LOXL2: variants seen among roughly 807,000 people sequenced by gnomAD.
LOXL2 encodes lysyl oxidase homolog 2.
In LOXL2, 70 loss-of-function variants were observed where a neutral mutation model predicts 93.0. The ratio of observed to expected loss-of-function variants is 0.75; its 90% CI spans 0.62 to 0.92. LOXL2 has a LOEUF of 0.92. Among genes scored for constraint, LOXL2 ranks in the 40% least tolerant of loss-of-function variants. LOXL2 has a pLI of 0.00. For missense variants in LOXL2, 973 were observed against 1,054.9 expected (o/e 0.92, Z 1.08); for synonymous variants, 438 against 413.2 (o/e 1.06, Z -0.73).
At chr8:23,390,501 T>C (rs6557667) in intron 1 of LOXL2, among the ~76,000 whole-genome samples, 15,570 of 152,194 alleles carry the variant, frequency 0.1, 863 homozygotes, top group East Asian at 0.22. Context: ...AACTGCATTT[T>C]TTCCCCCAGC....
intron 12 of LOXL2, among the ~76,000 whole-genome samples, chr8:23,299,356 CGTT>C (rs1803089730): frequency 6.6e-6 from 1 of 152,114 alleles, no homozygotes. Flanking sequence ...GCTGCCTGGG[CGTT>C]GGAGATGGGA....
At chr8:23,331,479 A>C (rs1052287249) in intron 5 of LOXL2, 1 of 152,212 alleles carries the variant, frequency 6.6e-6, no homozygotes, top group African/African-American at 2.4e-5. Context: ...TGCACTAAGT[A>C]CTGAGGTTTT....
chr8:23,350,414 A>G (rs1804073364), intron 3 of LOXL2, among the ~76,000 whole-genome samples: 1 of 152,110 alleles, frequency 6.6e-6, no homozygotes, highest in African/African-American at 2.4e-5. Context: ...TACTAAAAAT[A>G]CAAAAATTAG....
chr8:23,345,839 C>G (rs552799333), intron 3 of LOXL2, among the ~76,000 whole-genome samples: 24 of 152,188 alleles, frequency 1.6e-4, no homozygotes, highest in Non-Finnish European at 3.1e-4. Context: ...GAGGCCGAGG[C>G]AGGCGGATCA....
chr8:23,341,749 GC>G (rs1206811953), intron 3 of LOXL2, among the ~76,000 whole-genome samples: 2 of 152,196 alleles, frequency 1.3e-5, no homozygotes, highest in Non-Finnish European at 2.9e-5. Context: ...CCAGGGGTGG[GC>G]ATTCCTCTCT....
intron 1 of LOXL2, among the ~76,000 whole-genome samples, chr8:23,400,031 T>C (rs1800137074): frequency 6.6e-6 from 1 of 152,234 alleles, no homozygotes. Context: ...CAGCAGAACA[T>C]CTAGGAGTCC....
intron 3 of LOXL2, among the ~76,000 whole-genome samples, chr8:23,355,912 T>TA (rs1300712633): frequency 1.3e-5 from 2 of 151,254 alleles, no homozygotes; most frequent in Non-Finnish European, 3.0e-5. Context: ...ACAGGCCTTT[T>TA]AAAAAAAAAG....
intron 7 of LOXL2, 127 bp downstream of exon 7, chr8:23,322,003 C>A: frequency 9.4e-7 from 1 of 1,067,572 alleles, no homozygotes; most frequent in Non-Finnish European, 1.4e-6. Context: ...TTGCAAATGC[C>A]AAGTGGCAAT....
chr8:23,387,927 C>T (rs1289439634), intron 1 of LOXL2, among the ~76,000 whole-genome samples: 2 of 152,064 alleles, frequency 1.3e-5, no homozygotes, highest in African/African-American at 2.4e-5. Flanking sequence ...CCAGCCCGGG[C>T]GACAAGAGCG....
At chr8:23,394,342 G>C (rs768183478) in intron 1 of LOXL2, among the ~76,000 whole-genome samples, 2 of 146,626 alleles carry the variant, frequency 1.4e-5, no homozygotes, top group African/African-American at 2.5e-5. Context: ...GCAATGAGCC[G>C]AGATCGTGCC....
chr8:23,372,721 G>A (rs553949343), intron 1 of LOXL2, among the ~76,000 whole-genome samples: 2 of 152,264 alleles, frequency 1.3e-5, no homozygotes, highest in South Asian at 2.1e-4. Flanking sequence ...CTAAACGTAC[G>A]TGCATAGCTT....
chr8:23,331,102 C>T (rs768261887), intron 5 of LOXL2, among the ~76,000 whole-genome samples: 13 of 152,170 alleles, frequency 8.5e-5, no homozygotes, highest in African/African-American at 2.7e-4. Flanking sequence ...GTGGTTTATC[C>T]GGCTCTTGTC....
intron 6 of LOXL2, among the ~76,000 whole-genome samples, chr8:23,324,508 G>A (rs191339985): frequency 1.6e-4 from 24 of 152,290 alleles, no homozygotes; most frequent in African/African-American, 5.5e-4. Flanking sequence ...TTCAGCGTCT[G>A]GGTGTCTGTG....
intron 1 of LOXL2, among the ~76,000 whole-genome samples, chr8:23,381,056 G>T (rs1192742168): frequency 1.3e-5 from 2 of 150,322 alleles, no homozygotes; most frequent in African/African-American, 4.9e-5. Flanking sequence ...CTGGGGGGCG[G>T]GTAACCATGA....
intron 13 of LOXL2, 96 bp downstream of exon 13, chr8:23,298,740 C>A (rs533486514): frequency 1.4e-6 from 1 of 736,038 alleles, no homozygotes; most frequent in Admixed American, 2.0e-5. Flanking sequence ...CTGCATTCCC[C>A]GAGCTCTTTA....
intron 2 of LOXL2, among the ~76,000 whole-genome samples, chr8:23,361,584 T>C (rs1340294754): frequency 3.3e-5 from 5 of 152,200 alleles, no homozygotes; most frequent in Non-Finnish European, 7.4e-5. Flanking sequence ...GGCTCACGCC[T>C]GTAATCCCAG....
At chr8:23,397,646 C>T (rs1371699718) in intron 1 of LOXL2, among the ~76,000 whole-genome samples, 5 of 151,872 alleles carry the variant, frequency 3.3e-5, no homozygotes, top group Non-Finnish European at 5.9e-5. Context: ...GGTATGGTGG[C>T]GGGCGCCTGT....
chr8:23,299,757 G>A (rs1255052177), intron 12 of LOXL2, among the ~76,000 whole-genome samples: 3 of 152,224 alleles, frequency 2.0e-5, no homozygotes, highest in Non-Finnish European at 2.9e-5. Flanking sequence ...ACCCACAGCA[G>A]GGGGGCGGGT....
intron 10 of LOXL2, among the ~76,000 whole-genome samples, chr8:23,307,796 A>C (rs1021223858): frequency 1.3e-5 from 2 of 152,010 alleles, no homozygotes; most frequent in Non-Finnish European, 2.9e-5. Context: ...CTCTATAAAG[A>C]CCACACCTTC....
Sources: allele counts gnomAD v4.1 joint callset (sites outside exome capture counted in the v4.1 genomes callset), GRCh38; gene constraint gnomAD v4.1.1; transcripts MANE v1.5; gene names NCBI Gene and HGNC (gene_info 2026-07-23, HGNC 2026-07-21).